Variants in PKD2L2 observed in about 807,000 individuals in gnomAD.
PKD2L2 encodes polycystin 2 like 2, transient receptor potential cation channel.
Under a neutral mutation model 83.9 loss-of-function variants are expected in PKD2L2, and 67 were observed. That is an observed-to-expected ratio of 0.80 (90% CI 0.66 to 0.98). The LOEUF (loss-of-function observed/expected upper bound fraction) is 0.98. PKD2L2 is among the 50% of genes least tolerant of loss of function. PKD2L2 has a pLI of 0.00. For synonymous variants in PKD2L2, 223 were observed against 237.8 expected, an observed-to-expected ratio of 0.94 and a Z score of 0.57; for missense variants, 632 against 717.2, an observed-to-expected ratio of 0.88 and a Z score of 1.36.
intron 4 of PKD2L2, among the ~76,000 whole-genome samples, chr5:137,896,726 G>C (rs1369764728): frequency 1.3e-5 from 2 of 151,730 alleles, no homozygotes; most frequent in South Asian, 4.2e-4. Flanking sequence ...TTGTTTTTCT[G>C]TCTTGGAAGG....
intron 8 of PKD2L2, among the ~76,000 whole-genome samples, chr5:137,915,095 G>T (rs997350653): frequency 8.6e-5 from 13 of 152,046 alleles, no homozygotes; most frequent in Non-Finnish European, 1.6e-4. Context: ...TTCCTGTACT[G>T]TCTTTGTCTG....
chr5:137,891,169 C>T (rs1755942975), intron 2 of PKD2L2, among the ~76,000 whole-genome samples: 1 of 152,134 alleles, frequency 6.6e-6, no homozygotes, highest in South Asian at 2.1e-4. Context: ...TCGATGGCAC[C>T]CAACATAACA....
intron 5 of PKD2L2, among the ~76,000 whole-genome samples, chr5:137,900,661 T>C (rs917637615): frequency 6.6e-6 from 1 of 152,176 alleles, no homozygotes; most frequent in South Asian, 2.1e-4. Flanking sequence ...AATACCTTTT[T>C]ATCTCATTGA....
At chr5:137,896,276 C>T (rs1756464116) in intron 4 of PKD2L2, among the ~76,000 whole-genome samples, 1 of 152,058 alleles carries the variant, frequency 6.6e-6, no homozygotes, top group South Asian at 2.1e-4. Context: ...CTTTCCTACT[C>T]ATAATTTCCA....
chr5:137,920,071 G>A (rs928831495), intron 8 of PKD2L2, among the ~76,000 whole-genome samples: 1 of 152,176 alleles, frequency 6.6e-6, no homozygotes, highest in African/African-American at 2.4e-5. Flanking sequence ...GGTGGCATGT[G>A]CCTGTCATCC....
At chr5:137,928,240 G>A (rs1759535729) in intron 12 of PKD2L2, among the ~76,000 whole-genome samples, 1 of 151,576 alleles carries the variant, frequency 6.6e-6, no homozygotes, top group South Asian at 2.1e-4. Context: ...TAGAGGATGA[G>A]CATCAGCCAA....
chr5:137,909,355 G>C (rs1757619163), intron 8 of PKD2L2, among the ~76,000 whole-genome samples: 1 of 152,020 alleles, frequency 6.6e-6, no homozygotes, highest in Non-Finnish European at 1.5e-5. Flanking sequence ...CTAAATATCT[G>C]TCACATTCAA....
At position 137,903,993 on chromosome 5, in the gene PKD2L2, C is replaced by T. The variant is rs369500814; in HGVS notation, c.747-2213C>T. Among the ~76,000 whole-genome samples, 86 of 152,198 alleles carry T rather than the reference C, an allele frequency of 5.7e-4. 1 individual carries two copies. The highest frequency in any genetic ancestry group is 5.4e-3 in the East Asian group (28 of 5,184). On this transcript the variant is annotated intron_variant, in intron 5 of 14. Coordinates refer to ENST00000508883, the MANE Select transcript of PKD2L2 (RefSeq NM_001300921.2). The stretch of plus-strand genomic sequence containing the variant: ...CTGGTTTCGAACTCCTGACCTCAGG[C>T]GATCCACCCGCCTTGGCCTCCCAAA...
intron 2 of PKD2L2, among the ~76,000 whole-genome samples, chr5:137,892,153 C>G (rs1439938397): frequency 3.9e-5 from 6 of 152,206 alleles, no homozygotes; most frequent in Non-Finnish European, 8.8e-5. Context: ...CTTAACCACT[C>G]ACCATACTAT....
intron 4 of PKD2L2, among the ~76,000 whole-genome samples, chr5:137,895,832 C>A (rs1159168092): frequency 6.7e-6 from 1 of 149,130 alleles, no homozygotes; most frequent in Admixed American, 6.7e-5. Flanking sequence ...GAACTGAGAT[C>A]ATGCCACTGC....
chr5:137,926,953 A>C (rs1249874483), intron 12 of PKD2L2, among the ~76,000 whole-genome samples: 2 of 152,198 alleles, frequency 1.3e-5, no homozygotes, highest in African/African-American at 2.4e-5. Context: ...GGACAACTAT[A>C]CAAGATGAGT....
At chr5:137,915,862 T>C (rs1758282629) in intron 8 of PKD2L2, among the ~76,000 whole-genome samples, 1 of 152,226 alleles carries the variant, frequency 6.6e-6, no homozygotes, top group Non-Finnish European at 1.5e-5. Context: ...TACTAAGAAC[T>C]GTGTTCCTTC....
chr5:137,935,558 T>C (rs1478479788), intron 12 of PKD2L2, among the ~76,000 whole-genome samples: 1 of 152,228 alleles, frequency 6.6e-6, no homozygotes, highest in Admixed American at 6.5e-5. Context: ...TAATTTATAA[T>C]TTGTTTACAA....
intron 8 of PKD2L2, 65 bp downstream of exon 8, chr5:137,909,011 C>G: frequency 1.2e-6 from 1 of 863,922 alleles, no homozygotes; most frequent in East Asian, 2.7e-5. Context: ...TTGGAAAGGT[C>G]TAACCTTCTA....
At chr5:137,920,825 C>T (rs1758830037) in intron 8 of PKD2L2, among the ~76,000 whole-genome samples, 1 of 151,710 alleles carries the variant, frequency 6.6e-6, no homozygotes, top group Non-Finnish European at 1.5e-5. Flanking sequence ...ATTATCAGCA[C>T]TTGAGACTAG....
rs774107485 is a variant in PKD2L2 at position 137,908,940 on chromosome 5, A to G, written c.1322A>G (p.Asn441Ser). ...GTTGATGACTTTTCCACTTTTCAGA[A>G]TTCCATGTAAGCTCTTAGTATAAAT... ...SQVDDFSTFQ[N>S]SIFAQFRIVL... Residue 441 changes from asparagine (N) to serine (S), a missense_variant, in exon 8 of 15, where the codon AAT becomes AGT. Asn to Ser is a conservative substitution (Grantham distance 46). This residue lies in a region of PKD2L2 where 399 missense variants were observed against 416.9 expected (regional missense o/e 0.96). Transcript: ENST00000508883. 6.3e-7 allele frequency: 1 copy of G among 1,590,180 alleles called. No individual in the cohort carries two copies. The highest frequency in any genetic ancestry group is 1.7e-5 in the Admixed American group (1 of 58,830).
chr5:137,897,033 ATATTATTATTATTATTAT>A (rs10536140), intron 4 of PKD2L2, among the ~76,000 whole-genome samples: 24 of 137,034 alleles, frequency 1.8e-4, no homozygotes, highest in South Asian at 4.9e-4. Flanking sequence ...ATACATTATT[ATATTATTATTATTATTAT>A]TATTATTATT....
At chr5:137,903,923 C>G (rs1176787906) in intron 5 of PKD2L2, among the ~76,000 whole-genome samples, 1 of 151,982 alleles carries the variant, frequency 6.6e-6, no homozygotes, top group Non-Finnish European at 1.5e-5. Context: ...CACCCAGCTA[C>G]TTTTTGTATT....
At chr5:137,890,335 T>TA (rs1755851810) in intron 1 of PKD2L2, 146 bp from the exon 2 acceptor site, 2 of 576,996 alleles carry the variant, frequency 3.5e-6, no homozygotes, top group Non-Finnish European at 6.1e-6. Flanking sequence ...CCCTGCCTCG[T>TA]AAAACTAAGA....
Sources: gnomAD v4.1 joint callset for allele counts (sites outside exome capture counted in the v4.1 genomes callset) on GRCh38, gnomAD v4.1.1 for gene constraint, gnomAD v4.1.1 regional missense constraint, MANE v1.5 for transcripts, NCBI Gene and HGNC (gene_info 2026-07-23, HGNC 2026-07-21) for gene names.